ZMIZ2: variants seen among roughly 807,000 people sequenced by gnomAD.
The protein encoded by ZMIZ2 is zinc finger MIZ-type containing 2, also known as zinc finger MIZ domain-containing protein 2.
In ZMIZ2, 26 loss-of-function variants were observed where a neutral mutation model predicts 93.9. The observed-to-expected ratio is 0.28, with a 90% CI of 0.20 to 0.38. The LOEUF (loss-of-function observed/expected upper bound fraction) is 0.38, where lower values mean the gene tolerates loss of function less well. Ranked by LOEUF, ZMIZ2 falls within the 10% of genes least tolerant of loss-of-function variation. ZMIZ2 has a pLI of 1.00. For missense variants in ZMIZ2, 1,023 were observed against 1,235.0 expected, an observed-to-expected ratio of 0.83 and a Z score of 2.57; for synonymous variants, 485 against 516.4, an observed-to-expected ratio of 0.94 and a Z score of 0.82.
intron 1 of ZMIZ2, 55 bp from the exon 2 acceptor site, chr7:44,756,133 T>C (rs912446887): frequency 1.4e-6 from 2 of 1,467,230 alleles, no homozygotes; most frequent in Non-Finnish European, 1.9e-6. Flanking sequence ...TCCACCCTGC[T>C]GAAAGGGTCT....
In ZMIZ2 at chr7:44,765,869, C is replaced by G; in HGVS notation, c.2242+290C>G. 2.4e-6 allele frequency: 3 copies of G among 1,274,358 alleles called. No individual in the cohort carries two copies. Among genetic ancestry groups the G allele is most frequent in the Non-Finnish European group, 3.1e-6 (3 of 964,568 alleles). The allele number at this position is 1,274,358 out of a possible 1,614,324, so 78.9% of individuals were successfully genotyped here. ...TGGCTGGAACACCTCACAGGACTGG[C>G]CCCATCTGGGGCCCCCCTCTGGGAC... On this transcript the variant is annotated intron_variant, in intron 16 of 18. Transcript: ENST00000309315. The surrounding 1 kb of genome is among the most constrained non-coding windows in gnomAD (Gnocchi z 4.1).
intron 3 of ZMIZ2, 24 bp downstream of exon 3, chr7:44,756,563 C>T: frequency 6.2e-7 from 1 of 1,612,006 alleles, no homozygotes; most frequent in Non-Finnish European, 8.5e-7. Context: ...GGTGCCCCAC[C>T]CCCGAGCAGA....
chr7:44,757,031 A>C lies in ZMIZ2; in HGVS notation c.250A>C (p.Thr84Pro), dbSNP rs1583621975. The C allele has an allele frequency of 6.2e-7, 1 of 1,611,332 alleles. No homozygotes were observed. Among genetic ancestry groups the C allele is most frequent in the Non-Finnish European group, 8.5e-7 (1 of 1,179,118 alleles). The change falls in exon 4 of 19, where the codon ACC (threonine) becomes CCC (proline). Residue 84 changes from threonine to proline, a missense_variant. Physicochemically the swap from Thr to Pro is conservative, Grantham distance 38 (BLOSUM62 -1). This residue lies in a region of ZMIZ2 where 656 missense variants were observed against 777.1 expected (regional missense o/e 0.84). Transcript: ENST00000309315. Reference sequence around the variant, plus strand: ...TGTGGCAGGGGGCAGCTCCGCCTTGACCTCCCCACAGTGCCTGGGACAGCA... The same window carrying C: ...TGTGGCAGGGGGCAGCTCCGCCTTGCCCTCCCCACAGTGCCTGGGACAGCA... ...PGVAGGSSAL[T>P]SPQCLGQQAF...
At position 44,765,912 on chromosome 7, in the gene ZMIZ2, T is replaced by C. The variant is rs1295409645; in HGVS notation, c.2243-252T>C. 2 of 1,386,614 alleles carry C rather than the reference T, an allele frequency of 1.4e-6. No individual in the cohort carries two copies. The highest frequency in any genetic ancestry group is 1.7e-5 in the South Asian group (1 of 58,286). 85.9% of individuals were successfully genotyped at this position (1,386,614 alleles called of 1,614,324 possible). ...TCTGGGACCCACCTCACACGCGTGG[T>C]GCGTTTGTTTGTGGCTGCTCCCATT... On this transcript the variant is annotated intron_variant, in intron 16 of 18. Transcript: ENST00000309315. This position sits in a 1 kb window ranked among gnomAD's most constrained non-coding sequence, Gnocchi z 4.1.
intron 13 of ZMIZ2, among the ~76,000 whole-genome samples, chr7:44,764,177 C>G (rs1791469132): frequency 6.6e-6 from 1 of 152,154 alleles, no homozygotes; most frequent in Non-Finnish European, 1.5e-5. Flanking sequence ...AAGTGGGTCC[C>G]AGTCAGCACA....
At chr7:44,753,631 C>T (rs1434140066) in intron 1 of ZMIZ2, among the ~76,000 whole-genome samples, 3 of 152,202 alleles carry the variant, frequency 2.0e-5, no homozygotes, top group Non-Finnish European at 4.4e-5. Flanking sequence ...CTTATCTTTT[C>T]ATCCTCTTAG....
At chr7:44,754,612 T>A (rs1324284192) in intron 1 of ZMIZ2, among the ~76,000 whole-genome samples, 1 of 152,166 alleles carries the variant, frequency 6.6e-6, no homozygotes, top group Admixed American at 6.5e-5. Flanking sequence ...GTGAGGCTGT[T>A]CCTACCTCCA....
intron 6 of ZMIZ2, among the ~76,000 whole-genome samples, chr7:44,758,487 A>T (rs1449199242): frequency 1.3e-5 from 2 of 151,542 alleles, no homozygotes; most frequent in East Asian, 3.9e-4. Context: ...AAAAAAAAAA[A>T]AGCAAAAGCC....
chr7:44,767,710 G>C lies in ZMIZ2; in HGVS notation c.*87G>C. ...TCATGCCCAGCCCCATGGGACACCCGGTGGTCTTTCCCAAACCTCCCCCAA... is the reference window on the plus strand; with the variant it reads ...TCATGCCCAGCCCCATGGGACACCCCGTGGTCTTTCCCAAACCTCCCCCAA... On this transcript the variant is annotated 3_prime_UTR_variant, in exon 19 of 19. Coordinates refer to ENST00000309315, the MANE Select transcript of ZMIZ2 (RefSeq NM_031449.4). The C allele has an allele frequency of 2.4e-6, 3 of 1,258,046 alleles. No individual in the cohort carries two copies. The highest frequency in any genetic ancestry group is 3.4e-6 in the Non-Finnish European group (3 of 874,126). The allele number at this position is 1,258,046 out of a possible 1,614,324, so 77.9% of individuals were successfully genotyped here. A position where few individuals can be genotyped will look rare whatever the true frequency, so the allele number is the denominator to read the frequency against.
Position 44,763,055 on chromosome 7 carries a change from C to T in ZMIZ2, c.1702+69C>T. 2.0e-6 allele frequency: 3 copies of T among 1,510,472 alleles called. No homozygotes were observed. The highest frequency in any genetic ancestry group is 2.7e-6 in the Non-Finnish European group (3 of 1,104,346). The allele number at this position is 1,510,472 out of a possible 1,614,324, so 93.6% of individuals were successfully genotyped here. A position where few individuals can be genotyped will look rare whatever the true frequency, so the allele number is the denominator to read the frequency against. ...TCTGTGTGGCCCAAGCCCAACAATC[C>T]TCCTTGTGGGCACCTCCTCGTGTCA... On this transcript the variant is annotated intron_variant, in intron 12 of 18. Transcript: ENST00000309315. This position sits in a 1 kb window ranked among gnomAD's most constrained non-coding sequence, Gnocchi z 5.6.
rs747029164 is a variant in ZMIZ2, at chr7:44,766,364, C to T, written c.2412+31C>T. Reference sequence around the variant, plus strand: ...TGCCAAGCCGAGAGGCCAAGGGGCCCTGTCTCCCCAGGGGAGCCCCTGAGC... The same window carrying T: ...TGCCAAGCCGAGAGGCCAAGGGGCCTTGTCTCCCCAGGGGAGCCCCTGAGC... On this transcript the variant is annotated intron_variant, in intron 17 of 18. Coordinates refer to ENST00000309315, the MANE Select transcript of ZMIZ2 (RefSeq NM_031449.4). This position sits in a 1 kb window ranked among gnomAD's most constrained non-coding sequence, Gnocchi z 4.4. 8.1e-6 allele frequency: 13 copies of T among 1,607,340 alleles called. No homozygotes were observed. In the South Asian group the frequency reaches 1.4e-4, roughly 18 times the overall value.
chr7:44,759,388 G>A lies in ZMIZ2; in HGVS notation c.921G>A (p.Gly307=). 1.2e-6 allele frequency: 2 copies of A among 1,604,206 alleles called. No individual in the cohort carries two copies. Among genetic ancestry groups the A allele is most frequent in the Non-Finnish European group, 1.7e-6 (2 of 1,175,730 alleles). Residue 307 remains glycine (G), a synonymous_variant, in exon 7 of 19, where the codon GGG becomes GGA. Transcript: ENST00000309315. ...QPPAPSPSYP[G]HRLPLQQGMT... is the part of the protein sequence containing the mutation. ...CTGCCCCCTCCCCTTCCTACCCTGGGCACAGGCTGCCCCTGCAGCAGGGCA... is the reference window on the plus strand; with the variant it reads ...CTGCCCCCTCCCCTTCCTACCCTGGACACAGGCTGCCCCTGCAGCAGGGCA...
At chr7:44,755,361 G>A (rs370446789) in intron 1 of ZMIZ2, among the ~76,000 whole-genome samples, 3 of 152,166 alleles carry the variant, frequency 2.0e-5, no homozygotes, top group African/African-American at 7.2e-5. Context: ...CTCTCCTGGG[G>A]GTGTCATGGA....
chr7:44,756,571 A>T (rs770653755), intron 3 of ZMIZ2, 32 bp downstream of exon 3: 1 of 1,609,754 alleles, frequency 6.2e-7, no homozygotes, highest in Admixed American at 1.7e-5. Flanking sequence ...ACCCCCGAGC[A>T]GACAGAGCCT....
chr7:44,761,963 C>T lies in ZMIZ2; in HGVS notation c.1596+58C>T, dbSNP rs1791232359. 3.6e-6 allele frequency: 3 copies of T among 827,904 alleles called. No homozygotes were observed. Among genetic ancestry groups the T allele is most frequent in the Non-Finnish European group, 3.4e-6 (2 of 581,264 alleles). The allele number at this position is 827,904 out of a possible 1,614,324, so 51.3% of individuals were successfully genotyped here. A position where few individuals can be genotyped will look rare whatever the true frequency, so the allele number is the denominator to read the frequency against. The stretch of plus-strand genomic sequence containing the variant: ...GGCGTGGGGCGGGGTGTGGTGGGGC[C>T]TGGCCCAGCGGTGCCGTGGGGTGGG... On this transcript the variant is annotated intron_variant, in intron 11 of 18. Coordinates refer to ENST00000309315, the MANE Select transcript of ZMIZ2 (RefSeq NM_031449.4). This position sits in a 1 kb window ranked among gnomAD's most constrained non-coding sequence, Gnocchi z 5.8.
chr7:44,750,668 T>C (rs927171059), intron 1 of ZMIZ2, among the ~76,000 whole-genome samples: 6 of 151,516 alleles, frequency 4.0e-5, no homozygotes, highest in African/African-American at 9.7e-5. Flanking sequence ...TCTGGGACAT[T>C]TGGGGAAGAG....
chr7:44,766,247 C>T lies in ZMIZ2; in HGVS notation c.2326C>T (p.Pro776Ser). 1 of 1,602,950 alleles carries T rather than the reference C, an allele frequency of 6.2e-7. No homozygotes were observed. The highest frequency in any genetic ancestry group is 1.7e-4 in the Middle Eastern group (1 of 6,016). ...PSTPTLAEFT[P>S]GPPPISYQSD... ...CACCCCAACCCTTGCTGAGTTCACCCCGGGACCACCCCCCATCTCCTACCA... is the reference window on the plus strand; with the variant it reads ...CACCCCAACCCTTGCTGAGTTCACCTCGGGACCACCCCCCATCTCCTACCA... Residue 776 changes from proline to serine, a missense_variant, in exon 17 of 19, where the codon CCG (proline) becomes TCG (serine). Pro to Ser is a moderately conservative substitution (Grantham distance 74). This residue lies in a region of ZMIZ2 where 319 missense variants were observed against 358.8 expected (regional missense o/e 0.89). Coordinates refer to ENST00000309315, the MANE Select transcript of ZMIZ2 (RefSeq NM_031449.4). The surrounding 1 kb of genome is among the most constrained non-coding windows in gnomAD (Gnocchi z 4.4).
Position 44,757,960 on chromosome 7 carries a change from C to T in ZMIZ2, c.665C>T (p.Ser222Phe). ...PTGIGGVMGP[S>F]GLSPLAMNPT... ...GGCATAGGAGGGGTAATGGGCCCCT[C>T]TGGCCTCTCCCCCTTGGCTATGAAC... The change falls in exon 6 of 19, where the codon TCT becomes TTT. Residue 222 changes from serine to phenylalanine, a missense_variant. By Grantham distance (155) the Ser-to-Phe change is radical. Coordinates refer to ENST00000309315, the MANE Select transcript of ZMIZ2 (RefSeq NM_031449.4). The T allele has an allele frequency of 6.2e-7, 1 of 1,612,796 alleles. No individual in the cohort carries two copies. Among genetic ancestry groups the T allele is most frequent in the Non-Finnish European group, 8.5e-7 (1 of 1,179,406 alleles).
At chr7:44,751,598 T>C (rs1790150665) in intron 1 of ZMIZ2, among the ~76,000 whole-genome samples, 1 of 152,256 alleles carries the variant, frequency 6.6e-6, no homozygotes, top group Admixed American at 6.5e-5. Flanking sequence ...GGAAAGATTG[T>C]CACAGCAGTT....
Sources: gnomAD v4.1 joint callset for allele counts (sites outside exome capture counted in the v4.1 genomes callset) on GRCh38, gnomAD v4.1.1 for gene constraint, gnomAD v4.1.1 regional missense constraint, Gnocchi (gnomAD v3.1) non-coding constraint, MANE v1.5 for transcripts, NCBI Gene and HGNC (gene_info 2026-07-23, HGNC 2026-07-21) for gene names.